Variants in CAMTA1 observed in about 807,000 individuals in gnomAD.
CAMTA1 encodes calmodulin binding transcription activator 1.
In CAMTA1, 27 loss-of-function variants were observed where a neutral mutation model predicts 170.9. That is an observed-to-expected ratio of 0.16 (90% CI 0.12 to 0.22). The LOEUF is 0.22. CAMTA1 is among the 10% of genes least tolerant of loss of function. The pLI, the probability that CAMTA1 is intolerant of heterozygous loss-of-function variation, is 1.00. For synonymous variants in CAMTA1, 833 were observed against 891.5 expected, an observed-to-expected ratio of 0.93 and a Z score of 1.17; for missense variants, 1,619 against 2,217.2, an observed-to-expected ratio of 0.73 and a Z score of 5.42.
chr1:7,477,251 C>T (rs1557777718), intron 6 of CAMTA1, among the ~76,000 whole-genome samples: 1 of 152,068 alleles, frequency 6.6e-6, no homozygotes, highest in Non-Finnish European at 1.5e-5. Context: ...CAAAGCCCTC[C>T]TGCAGCTGGG....
chr1:7,289,302 A>G (rs1339087332), intron 5 of CAMTA1, among the ~76,000 whole-genome samples: 1 of 152,146 alleles, frequency 6.6e-6, no homozygotes, highest in Non-Finnish European at 1.5e-5. Context: ...GTGTCTGAGC[A>G]AAGGGAAATG....
chr1:7,601,296 T>A (rs559532244), intron 6 of CAMTA1, among the ~76,000 whole-genome samples: 1,690 of 150,210 alleles, frequency 0.011, 23 homozygotes, highest in African/African-American at 0.039. Context: ...GTCTCCTCAC[T>A]TCTCAGACGG....
intron 5 of CAMTA1, among the ~76,000 whole-genome samples, chr1:7,322,467 G>A (rs948826530): frequency 6.6e-6 from 1 of 152,224 alleles, no homozygotes; most frequent in African/African-American, 2.4e-5. Context: ...AATGCGTGTG[G>A]CTATGTTCTA....
At chr1:6,926,724 C>T (rs1683354890) in intron 3 of CAMTA1, among the ~76,000 whole-genome samples, 1 of 142,216 alleles carries the variant, frequency 7.0e-6, no homozygotes, top group Non-Finnish European at 1.5e-5. Context: ...TCTCTCTTTT[C>T]TTTCTTTCTT....
chr1:7,131,522 C>CT (rs58819912), intron 4 of CAMTA1, among the ~76,000 whole-genome samples: 4,063 of 126,662 alleles, frequency 0.032, 98 homozygotes, highest in South Asian at 0.1. Flanking sequence ...ATCGTCTTTT[C>CT]TTTTTTTTTT....
At chr1:7,258,876 G>T (rs1315251074) in intron 5 of CAMTA1, among the ~76,000 whole-genome samples, 3 of 152,130 alleles carry the variant, frequency 2.0e-5, no homozygotes, top group Non-Finnish European at 4.4e-5. Context: ...TTTAGTTGGC[G>T]TGGATTAGGC....
At chr1:7,137,973 T>A (rs1465510251) in intron 4 of CAMTA1, among the ~76,000 whole-genome samples, 1 of 152,158 alleles carries the variant, frequency 6.6e-6, no homozygotes, top group South Asian at 2.1e-4. Context: ...AGGGACTCAG[T>A]ACATTTTATT....
chr1:7,600,117 C>G (rs1189376313), intron 6 of CAMTA1, among the ~76,000 whole-genome samples: 1 of 152,150 alleles, frequency 6.6e-6, no homozygotes, highest in African/African-American at 2.4e-5. Flanking sequence ...TACGTCCCAT[C>G]AATACCTAAT....
At chr1:6,834,164 T>G (rs1422510125) in intron 3 of CAMTA1, among the ~76,000 whole-genome samples, 2 of 151,738 alleles carry the variant, frequency 1.3e-5, no homozygotes, top group African/African-American at 4.8e-5. Context: ...ATTTTTTTTT[T>G]TTTTTTACTG....
At chr1:7,365,898 G>T (rs1426669568) in intron 5 of CAMTA1, among the ~76,000 whole-genome samples, 1 of 152,182 alleles carries the variant, frequency 6.6e-6, no homozygotes, top group African/African-American at 2.4e-5. Flanking sequence ...CTCTCTGGAG[G>T]CTGCTCCCTC....
intron 3 of CAMTA1, among the ~76,000 whole-genome samples, chr1:6,948,908 A>G (rs540041504): frequency 1.3e-5 from 2 of 152,316 alleles, no homozygotes; most frequent in East Asian, 3.9e-4. Context: ...AATTCCCACG[A>G]GGCCAGCCTT....
At chr1:7,476,054 C>G (rs974312188) in intron 6 of CAMTA1, among the ~76,000 whole-genome samples, 1 of 152,254 alleles carries the variant, frequency 6.6e-6, no homozygotes, top group African/African-American at 2.4e-5. Flanking sequence ...CCCCAAGTTT[C>G]CCCTGCCCTG....
intron 4 of CAMTA1, among the ~76,000 whole-genome samples, chr1:7,112,705 C>T (rs1644136654): frequency 1.3e-5 from 2 of 152,350 alleles, no homozygotes; most frequent in Middle Eastern, 3.4e-3. Context: ...CCATTGAACA[C>T]AAGGGCAGGG....
At chr1:7,645,853 C>T (rs1195506948) in intron 7 of CAMTA1, among the ~76,000 whole-genome samples, 1 of 152,264 alleles carries the variant, frequency 6.6e-6, no homozygotes, top group Non-Finnish European at 1.5e-5. Flanking sequence ...TGCACGGGCA[C>T]ACGACGTATC....
chr1:6,860,039 C>T (rs191700112), intron 3 of CAMTA1, among the ~76,000 whole-genome samples: 1 of 152,234 alleles, frequency 6.6e-6, no homozygotes, highest in East Asian at 1.9e-4. Flanking sequence ...TAATAGTCTT[C>T]AGTCTTTTTT....
chr1:6,815,603 A>G (rs1645697102), intron 1 of CAMTA1, among the ~76,000 whole-genome samples: 2 of 152,336 alleles, frequency 1.3e-5, no homozygotes, highest in South Asian at 4.1e-4. Context: ...ATAGTTTTGT[A>G]TTATGTACTA....
chr1:7,216,395 C>G lies in CAMTA1; in HGVS notation c.303-33096C>G, dbSNP rs1474876111. The stretch of plus-strand genomic sequence containing the variant: ...ATTATATTGTTTAGGGCTTCTGTGT[C>G]CTTACTTATTTTTTGTCTATCTGGT... On this transcript the variant is annotated intron_variant, in intron 4 of 22. Coordinates refer to ENST00000303635, the MANE Select transcript of CAMTA1 (RefSeq NM_015215.4). This position sits in a 1 kb window ranked among gnomAD's most constrained non-coding sequence, Gnocchi z 4.0. 6.6e-6 allele frequency among the ~76,000 whole-genome samples: 1 copy of G among 152,162 alleles called. No homozygotes were observed. The highest frequency in any genetic ancestry group is 1.5e-5 in the Non-Finnish European group (1 of 68,026).
chr1:7,537,060 C>G (rs760483543), intron 6 of CAMTA1, among the ~76,000 whole-genome samples: 8 of 152,234 alleles, frequency 5.3e-5, no homozygotes, highest in Non-Finnish European at 7.3e-5. Context: ...GTAGCAGCCT[C>G]TGAGCAGGCA....
Position 7,249,710 on chromosome 1 carries a change from TG to T in CAMTA1, c.438+85del. 1 of 1,492,106 alleles carries T rather than the reference TG, an allele frequency of 6.7e-7. No homozygotes were observed. The highest frequency in any genetic ancestry group is 9.1e-7 in the Non-Finnish European group (1 of 1,101,138). 92.4% of individuals were successfully genotyped at this position (1,492,106 alleles called of 1,614,324 possible). A position where few individuals can be genotyped will look rare whatever the true frequency, so the allele number is the denominator to read the frequency against. Reference sequence around the variant, plus strand: ...AATGGAATTGCTTGGAGTAATTTGATGCGAGTCACCTCTGTCCAAAGAATTT... The same window carrying T: ...AATGGAATTGCTTGGAGTAATTTGATCGAGTCACCTCTGTCCAAAGAATTT... On this transcript the variant is annotated intron_variant, in intron 5 of 22. Coordinates refer to ENST00000303635, the MANE Select transcript of CAMTA1 (RefSeq NM_015215.4). This position sits in a 1 kb window ranked among gnomAD's most constrained non-coding sequence, Gnocchi z 4.4.
Sources: gnomAD v4.1 joint callset for allele counts (sites outside exome capture counted in the v4.1 genomes callset) on GRCh38, gnomAD v4.1.1 for gene constraint, Gnocchi (gnomAD v3.1) non-coding constraint, MANE v1.5 for transcripts, NCBI Gene and HGNC (gene_info 2026-07-23, HGNC 2026-07-21) for gene names.